The following CHST9 variants were observed in gnomAD, a reference collection of about 807,000 sequenced individuals.
The protein encoded by CHST9 is GalNAc-4-sulfotransferase 2.
CHST9 carries 41 observed loss-of-function variants against 44.4 expected under a neutral mutation model. The ratio of observed to expected loss-of-function variants is 0.92; its 90% CI spans 0.72 to 1.20. CHST9 has a LOEUF of 1.20. CHST9 is among the 50% of genes most tolerant of loss of function. The pLI is 0.00. For missense variants in CHST9, 504 were observed against 516.5 expected (o/e 0.98, Z 0.23); for synonymous variants, 171 against 178.4 (o/e 0.96, Z 0.33).
At chr18:27,001,518 A>G (rs1015674176) in intron 4 of CHST9, among the ~76,000 whole-genome samples, 1 of 152,302 alleles carries the variant, frequency 6.6e-6, no homozygotes, top group Non-Finnish European at 1.5e-5. Context: ...ATGTGGAACT[A>G]GTTAAGAGAG....
intron 2 of CHST9, among the ~76,000 whole-genome samples, chr18:27,061,172 G>A (rs1354401632): frequency 2.0e-5 from 3 of 152,070 alleles, no homozygotes; most frequent in Non-Finnish European, 4.4e-5. Context: ...GAATGACTGA[G>A]GGGAACACAC....
intron 3 of CHST9, among the ~76,000 whole-genome samples, chr18:27,043,000 A>C (rs2057462187): frequency 6.6e-6 from 1 of 151,894 alleles, no homozygotes. Context: ...TTCAGTGCTT[A>C]TTTTACTTGC....
At chr18:26,960,173 G>A (rs960654205) in intron 4 of CHST9, among the ~76,000 whole-genome samples, 3 of 152,310 alleles carry the variant, frequency 2.0e-5, no homozygotes, top group Middle Eastern at 3.4e-3. Flanking sequence ...TAGATATCAG[G>A]AAAATACCAG....
chr18:26,979,524 C>T (rs2077051727), intron 4 of CHST9, among the ~76,000 whole-genome samples: 1 of 151,994 alleles, frequency 6.6e-6, no homozygotes, highest in Admixed American at 6.6e-5. Context: ...CCTCATCTTC[C>T]TTTGGTAGCT....
intron 5 of CHST9, among the ~76,000 whole-genome samples, chr18:26,924,047 A>G (rs754555934): frequency 2.0e-5 from 3 of 152,122 alleles, no homozygotes; most frequent in Non-Finnish European, 4.4e-5. Context: ...AAACAGTCAG[A>G]CTTTACCATA....
rs2057040201 is a variant in CHST9, at chr18:27,008,194, A to G, written c.202+15922T>C. Among the ~76,000 whole-genome samples the G allele has an allele frequency of 2.0e-5, 3 of 152,164 alleles. No homozygotes were observed. The South Asian group carries it at 6.2e-4, about 32-fold the overall frequency. On this transcript the variant is annotated intron_variant, in intron 4 of 5. Transcript: ENST00000618847. ...ATTGGTGTATACAGATCTGGTGAAG[A>G]TATCAGAGATAGATCTCAGCAGGTG...
intron 2 of CHST9, among the ~76,000 whole-genome samples, chr18:27,073,743 G>A (rs745560687): frequency 4.9e-4 from 74 of 152,126 alleles, no homozygotes; most frequent in Middle Eastern, 3.4e-3. Context: ...GCAACCCCCT[G>A]CAAGAAGCTA....
intron 4 of CHST9, among the ~76,000 whole-genome samples, chr18:26,973,482 A>C (rs1257880561): frequency 1.3e-5 from 2 of 152,248 alleles, no homozygotes; most frequent in Non-Finnish European, 2.9e-5. Context: ...GCTTTAGATC[A>C]AGCTTATCCA....
Position 27,078,717 on chromosome 18 carries a change from T to C in CHST9, c.122-30214A>G, listed in dbSNP as rs80293117. Among the ~76,000 whole-genome samples the C allele has an allele frequency of 2.7e-3, 418 of 152,250 alleles. 2 individuals carry two copies. The highest frequency in any genetic ancestry group is 9.4e-3 in the African/African-American group (389 of 41,552). Reference sequence around the variant, plus strand: ...GACTGTCTCTTCCATCTCCATCCTCTTGTCATCTCTGTATAAAGAGCTGAA... The same window carrying C: ...GACTGTCTCTTCCATCTCCATCCTCCTGTCATCTCTGTATAAAGAGCTGAA... On this transcript the variant is annotated intron_variant, in intron 2 of 5. Coordinates refer to ENST00000618847, the MANE Select transcript of CHST9 (RefSeq NM_031422.6).
At chr18:27,179,362 G>A (rs950193394) in intron 1 of CHST9, among the ~76,000 whole-genome samples, 19 of 151,970 alleles carry the variant, frequency 1.3e-4, no homozygotes, top group African/African-American at 4.6e-4. Context: ...TAGAGCCAGT[G>A]TATCAGTGAA....
chr18:27,012,380 T>C (rs184502714), intron 4 of CHST9, among the ~76,000 whole-genome samples: 360 of 152,308 alleles, frequency 2.4e-3, no homozygotes, highest in Middle Eastern at 3.4e-3. Context: ...AAAGAAAATA[T>C]TTTTAAGAAA....
At chr18:27,085,510 A>G (rs979947676) in intron 2 of CHST9, among the ~76,000 whole-genome samples, 1 of 152,208 alleles carries the variant, frequency 6.6e-6, no homozygotes, top group Non-Finnish European at 1.5e-5. Flanking sequence ...GTCAATAAAC[A>G]TGAGAAAATG....
chr18:26,959,811 T>A (rs1404577615), intron 4 of CHST9, among the ~76,000 whole-genome samples: 1 of 152,146 alleles, frequency 6.6e-6, no homozygotes, highest in African/African-American at 2.4e-5. Context: ...CCTTGAATAA[T>A]TTTGAGTCAA....
At chr18:27,082,543 G>C (rs1375162255) in intron 2 of CHST9, among the ~76,000 whole-genome samples, 1 of 152,074 alleles carries the variant, frequency 6.6e-6, no homozygotes. Context: ...CCTCAACACT[G>C]TGCACAACAA....
rs2145028849 is a variant in CHST9 at position 26,909,603 on chromosome 18, CATCCAAAA to C, written c.*6648_*6655del. 1 of 152,216 alleles carries C rather than the reference CATCCAAAA, an allele frequency of 6.6e-6. No individual in the cohort carries two copies. Among genetic ancestry groups the C allele is most frequent in the African/African-American group, 2.4e-5 (1 of 41,540 alleles). The allele number at this position is 152,216 out of a possible 1,614,324, so 9.4% of individuals were successfully genotyped here. A position where few individuals can be genotyped will look rare whatever the true frequency, so the allele number is the denominator to read the frequency against. ...GTGCATTTTTATTTATTATATAGTA[CATCCAAAA>C]ATCATTTTTCTAAACTTTGGAAATA... On this transcript the variant is annotated 3_prime_UTR_variant, in exon 6 of 6. Transcript: ENST00000618847.
chr18:26,921,456 C>A (rs2055652434), intron 5 of CHST9, among the ~76,000 whole-genome samples: 1 of 152,144 alleles, frequency 6.6e-6, no homozygotes, highest in Non-Finnish European at 1.5e-5. Flanking sequence ...GCACCAGCAA[C>A]CCACAAGGGT....
At position 26,907,788 on chromosome 18, in the gene CHST9, T is replaced by C. The variant is rs530879245; in HGVS notation, c.*8471A>G. ...GGGAATGGGTTATAGTCTTGAGAGA[T>C]TGAGGCCAGGCAATGAGAATGGAAT... On this transcript the variant is annotated 3_prime_UTR_variant, in exon 6 of 6. Transcript: ENST00000618847. 19 of 157,878 alleles carry C rather than the reference T, an allele frequency of 1.2e-4. No homozygotes were observed. The highest frequency in any genetic ancestry group is 1.8e-4 in the Non-Finnish European group (13 of 71,500). The allele number at this position is 157,878 out of a possible 1,614,324, so 9.8% of individuals were successfully genotyped here. A position where few individuals can be genotyped will look rare whatever the true frequency, so the allele number is the denominator to read the frequency against.
At chr18:27,045,805 C>T (rs1467087640) in intron 3 of CHST9, among the ~76,000 whole-genome samples, 5 of 152,018 alleles carry the variant, frequency 3.3e-5, no homozygotes, top group African/African-American at 1.2e-4. Flanking sequence ...ACACATGAAT[C>T]AATAGCCCGG....
chr18:26,976,305 G>A (rs910453757), intron 4 of CHST9, among the ~76,000 whole-genome samples: 6 of 152,058 alleles, frequency 3.9e-5, no homozygotes, highest in African/African-American at 1.4e-4. Context: ...AGAAAAAGGA[G>A]TTGTGGCCAA....
Sources: allele counts gnomAD v4.1 joint callset (sites outside exome capture counted in the v4.1 genomes callset), GRCh38; gene constraint gnomAD v4.1.1; transcripts MANE v1.5; gene names NCBI Gene and HGNC (gene_info 2026-07-23, HGNC 2026-07-21).